The following PCDH7 variants were observed in gnomAD, a reference collection of about 807,000 sequenced individuals.
PCDH7 encodes the protein protocadherin-7.
A neutral mutation model predicts 58.9 loss-of-function variants in PCDH7; 17 were observed. The ratio of observed to expected loss-of-function variants is 0.29; its 90% confidence interval spans 0.20 to 0.43. PCDH7 has a LOEUF of 0.43. Among genes scored for constraint, PCDH7 ranks in the 20% least tolerant of loss-of-function variants. The pLI is 1.00. For missense variants in PCDH7, 1,274 were observed against 1,441.0 expected, an observed-to-expected ratio of 0.88 and a Z score of 1.88; for synonymous variants, 664 against 616.4, an observed-to-expected ratio of 1.08 and a Z score of -1.14.
chr4:31,129,391 A>G (rs1311300868), intron 3 of PCDH7, among the ~76,000 whole-genome samples: 7 of 152,140 alleles, frequency 4.6e-5, no homozygotes, highest in Admixed American at 4.6e-4. Flanking sequence ...TAGCAGAAGA[A>G]ACACATTAAT....
chr4:30,842,470 A>G (rs1173052194), intron 1 of PCDH7, among the ~76,000 whole-genome samples: 1 of 152,182 alleles, frequency 6.6e-6, no homozygotes, highest in African/African-American at 2.4e-5. Flanking sequence ...TCTACACCAC[A>G]TTTTAAGTGC....
intron 1 of PCDH7, among the ~76,000 whole-genome samples, chr4:30,820,930 C>T (rs548632801): frequency 1.3e-4 from 20 of 152,078 alleles, no homozygotes; most frequent in Admixed American, 3.9e-4. Context: ...CTGCACTGTT[C>T]GTATAATGGA....
intron 3 of PCDH7, among the ~76,000 whole-genome samples, chr4:31,023,626 A>G (rs1384587394): frequency 6.6e-6 from 1 of 152,194 alleles, no homozygotes; most frequent in Non-Finnish European, 1.5e-5. Context: ...ATGATCTGAC[A>G]TGACTATTCA....
At chr4:31,026,051 T>C (rs1002463122) in intron 3 of PCDH7, among the ~76,000 whole-genome samples, 1 of 152,222 alleles carries the variant, frequency 6.6e-6, no homozygotes, top group Non-Finnish European at 1.5e-5. Flanking sequence ...CACTGTTATA[T>C]GCCATGTCTT....
At chr4:31,072,897 G>A (rs1758672296) in intron 3 of PCDH7, among the ~76,000 whole-genome samples, 1 of 152,072 alleles carries the variant, frequency 6.6e-6, no homozygotes, top group Admixed American at 6.6e-5. Flanking sequence ...ATTCTTTAGT[G>A]CGGAGTATGG....
At chr4:30,856,835 C>T (rs969549487) in intron 1 of PCDH7, among the ~76,000 whole-genome samples, 6 of 151,686 alleles carry the variant, frequency 4.0e-5, no homozygotes, top group African/African-American at 1.5e-4. Context: ...TTTCAAAATT[C>T]ACATTTTTAC....
intron 3 of PCDH7, among the ~76,000 whole-genome samples, chr4:31,085,760 TCTTGA>T (rs1288807461): frequency 6.6e-6 from 1 of 152,162 alleles, no homozygotes; most frequent in Non-Finnish European, 1.5e-5. Flanking sequence ...TAAACTAGCA[TCTTGA>T]CTTAGCAACT....
intron 3 of PCDH7, among the ~76,000 whole-genome samples, chr4:31,110,232 T>C (rs1235763850): frequency 6.6e-6 from 1 of 152,182 alleles, no homozygotes; most frequent in East Asian, 1.9e-4. Context: ...GAATCTATCA[T>C]TCAAACACGG....
At chr4:30,807,604 T>A (rs1213665844) in intron 1 of PCDH7, among the ~76,000 whole-genome samples, 1 of 152,202 alleles carries the variant, frequency 6.6e-6, no homozygotes, top group Non-Finnish European at 1.5e-5. Flanking sequence ...CTACTCTTTA[T>A]AATCACTTAA....
intron 1 of PCDH7, among the ~76,000 whole-genome samples, chr4:30,775,810 T>A (rs1357411086): frequency 6.6e-6 from 1 of 151,936 alleles, no homozygotes; most frequent in African/African-American, 2.4e-5. Context: ...GGCAGGTGAA[T>A]CGCTTGAACC....
chr4:31,125,577 GT>G (rs1718204701), intron 3 of PCDH7, among the ~76,000 whole-genome samples: 1 of 152,180 alleles, frequency 6.6e-6, no homozygotes, highest in Admixed American at 6.5e-5. Flanking sequence ...AGAAAACGCA[GT>G]TCAATTTTTG....
intron 3 of PCDH7, among the ~76,000 whole-genome samples, chr4:31,067,084 C>T (rs913349012): frequency 2.0e-5 from 3 of 151,864 alleles, no homozygotes; most frequent in Non-Finnish European, 4.4e-5. Context: ...TTAGTTGTTT[C>T]ATCTAGAAAA....
intron 3 of PCDH7, among the ~76,000 whole-genome samples, chr4:31,127,891 A>G (rs1397905770): frequency 6.6e-6 from 1 of 151,936 alleles, no homozygotes; most frequent in East Asian, 1.9e-4. Context: ...AAATACACCA[A>G]TTTCCATATA....
At chr4:31,032,617 A>G (rs1210125324) in intron 3 of PCDH7, among the ~76,000 whole-genome samples, 2 of 145,502 alleles carry the variant, frequency 1.4e-5, no homozygotes, top group Non-Finnish European at 3.0e-5. Flanking sequence ...AAAAAAAAAA[A>G]AAAGAAAGAA....
chr4:31,128,012 CAT>C (rs1428645583), intron 3 of PCDH7, among the ~76,000 whole-genome samples: 2 of 150,424 alleles, frequency 1.3e-5, no homozygotes, highest in Non-Finnish European at 3.0e-5. Context: ...TATGTGTGTC[CAT>C]GTGTATATAT....
chr4:31,077,447 A>AT (rs1336810697), intron 3 of PCDH7, among the ~76,000 whole-genome samples: 1 of 152,078 alleles, frequency 6.6e-6, no homozygotes, highest in Non-Finnish European at 1.5e-5. Context: ...AAGAAAAAAA[A>AT]TATGCAAGTC....
intron 3 of PCDH7, among the ~76,000 whole-genome samples, chr4:31,007,265 A>G (rs1337301076): frequency 6.6e-6 from 1 of 150,998 alleles, no homozygotes; most frequent in Non-Finnish European, 1.5e-5. Flanking sequence ...GAGAAGAACA[A>G]CTTAGTTAGT....
At chr4:30,846,658 T>C (rs1560430185) in intron 1 of PCDH7, among the ~76,000 whole-genome samples, 1 of 152,164 alleles carries the variant, frequency 6.6e-6, no homozygotes, top group Non-Finnish European at 1.5e-5. Flanking sequence ...GTTGTGAGGA[T>C]CAAAAGTATT....
intron 1 of PCDH7, among the ~76,000 whole-genome samples, chr4:30,753,234 G>T (rs1024747336): frequency 6.6e-6 from 1 of 152,044 alleles, no homozygotes; most frequent in African/African-American, 2.4e-5. Flanking sequence ...TTTATTTCTG[G>T]TACATATCTC....
Sources: allele counts gnomAD v4.1 joint callset (sites outside exome capture counted in the v4.1 genomes callset), GRCh38; gene constraint gnomAD v4.1.1; transcripts MANE v1.5; gene names NCBI Gene and HGNC (gene_info 2026-07-23, HGNC 2026-07-21).